SMAD4: variants seen among roughly 807,000 people sequenced by gnomAD.
The protein encoded by SMAD4 is SMAD family member 4, also known as MAD homolog 4.
A neutral mutation model predicts 63.2 loss-of-function variants in SMAD4; 7 were observed. The observed-to-expected ratio is 0.11, with a 90% CI of 0.06 to 0.21. The LOEUF (loss-of-function observed/expected upper bound fraction) is 0.21, where lower values mean the gene tolerates loss of function less well. Ranked by LOEUF, SMAD4 falls within the 10% of genes least tolerant of loss-of-function variation. SMAD4 has a pLI of 1.00. For missense variants in SMAD4, 312 were observed against 693.8 expected (o/e 0.45, Z 6.18); for synonymous variants, 215 against 235.4 (o/e 0.91, Z 0.79).
chr18:51,040,721 C>T (rs1222962878), intron 1 of SMAD4, among the ~76,000 whole-genome samples: 1 of 152,206 alleles, frequency 6.6e-6, no homozygotes, highest in Non-Finnish European at 1.5e-5. Context: ...TGGTCAACGT[C>T]AGGTGACAGC....
chr18:51,058,513 G>A, intron 7 of SMAD4, 57 bp downstream of exon 7: 5 of 1,051,940 alleles, frequency 4.8e-6, no homozygotes, highest in Non-Finnish European at 7.0e-6. Flanking sequence ...GTAGGGCTTT[G>A]TTTTCTGTTT....
intron 9 of SMAD4, among the ~76,000 whole-genome samples, chr18:51,065,965 A>G (rs1277712987): frequency 6.6e-6 from 1 of 152,252 alleles, no homozygotes; most frequent in Non-Finnish European, 1.5e-5. Flanking sequence ...AGTTTTACTT[A>G]TAATGTTAAA....
rs118185031 is a variant in SMAD4, at chr18:51,051,524, G to A, written c.454+2200G>A. ...CTTTCATGAAACTTTCTATGACCAC[G>A]TTGACCTGTGTATTCATTTTAACAA... On this transcript the variant is annotated intron_variant, in intron 4 of 11. Transcript: ENST00000342988. 6.1e-4 allele frequency: 247 copies of A among 403,920 alleles called. 2 individuals are homozygous for A. The East Asian group carries it at 0.016, about 26-fold the overall frequency. The allele number at this position is 403,920 out of a possible 1,614,324, so 25.0% of individuals were successfully genotyped here.
At chr18:51,062,619 C>T (rs938196490) in intron 8 of SMAD4, among the ~76,000 whole-genome samples, 2 of 152,048 alleles carry the variant, frequency 1.3e-5, no homozygotes, top group Non-Finnish European at 2.9e-5. Context: ...CTGCCTCAGC[C>T]TCCCGAGTAG....
intron 11 of SMAD4, 80 bp from the exon 12 acceptor site, chr18:51,078,176 C>A: frequency 1.7e-6 from 2 of 1,161,548 alleles, no homozygotes; most frequent in Non-Finnish European, 1.3e-6. Context: ...GAAAGCTGGT[C>A]ACTTGATTAA....
chr18:51,033,491 A>AT (rs1459819896), intron 1 of SMAD4, among the ~76,000 whole-genome samples: 1 of 152,202 alleles, frequency 6.6e-6, no homozygotes, highest in East Asian at 1.9e-4. Flanking sequence ...CGCCTGTCCT[A>AT]TAACAGCATT....
At position 51,047,305 on chromosome 18, in the gene SMAD4, A is replaced by G. The variant is rs752243771; in HGVS notation, c.249+10A>G. The G allele has an allele frequency of 1.9e-6, 3 of 1,610,444 alleles. No homozygotes were observed. Among genetic ancestry groups the G allele is most frequent in the East Asian group, 2.2e-5 (1 of 44,840 alleles). On this transcript the variant is annotated intron_variant, in intron 2 of 11. Coordinates refer to ENST00000342988, the MANE Select transcript of SMAD4 (RefSeq NM_005359.6). ...GGATGGGAGGCTTCAGGTTAGTCTT[A>G]TAAGAGTTTTTCTATACCCTCTATG...
Position 51,078,260 on chromosome 18 carries a change from G to A in SMAD4, c.1452G>A (p.Leu484=), listed in dbSNP as rs1555687538. ...CTTCCAAATCTTTTCTGTTAGGTCTGTCAGCTGCTGCTGGAATTGGTGTTG... is the reference window on the plus strand; with the variant it reads ...CTTCCAAATCTTTTCTGTTAGGTCTATCAGCTGCTGCTGGAATTGGTGTTG... ...SVGGIAPAIS[L]SAAAGIGVDD... is the part of the protein sequence containing the mutation. The change falls in exon 12 of 12, where the codon CTG becomes CTA. Residue 484 remains leucine (L), a synonymous_variant. Transcript: ENST00000342988. 6.2e-7 allele frequency: 1 copy of A among 1,613,994 alleles called. No individual in the cohort carries two copies. Among genetic ancestry groups the A allele is most frequent in the Non-Finnish European group, 8.5e-7 (1 of 1,179,836 alleles).
At chr18:51,059,762 A>G in intron 7 of SMAD4, 104 bp from the exon 8 acceptor site, 1 of 865,582 alleles carries the variant, frequency 1.2e-6, no homozygotes, top group South Asian at 1.4e-5. Flanking sequence ...GTTTTAAACA[A>G]TTCCTAACCT....
intron 4 of SMAD4, 194 bp from the exon 5 acceptor site, chr18:51,054,587 C>T: frequency 1.7e-6 from 1 of 572,852 alleles, no homozygotes; most frequent in Non-Finnish European, 3.1e-6. Context: ...ATATCTCATG[C>T]TGTTACCGCT....
chr18:51,071,862 A>G (rs1215997536), intron 10 of SMAD4, among the ~76,000 whole-genome samples: 1 of 152,234 alleles, frequency 6.6e-6, no homozygotes, highest in Non-Finnish European at 1.5e-5. Flanking sequence ...TATATAGAAG[A>G]GAATTATGTA....
At chr18:51,076,083 TTTG>T (rs946370698) in intron 10 of SMAD4, among the ~76,000 whole-genome samples, 2 of 152,220 alleles carry the variant, frequency 1.3e-5, no homozygotes, top group East Asian at 1.9e-4. Context: ...ATCTAGTCTT[TTTG>T]TTGTTGTTGT....
At chr18:51,060,082 T>C (rs777203030) in intron 8 of SMAD4, among the ~76,000 whole-genome samples, 166 bp downstream of exon 8, 6 of 152,192 alleles carry the variant, frequency 3.9e-5, no homozygotes, top group Non-Finnish European at 7.3e-5. Context: ...TAGTCACACA[T>C]AGACTGTCTA....
chr18:51,033,688 A>T (rs986319132), intron 1 of SMAD4, among the ~76,000 whole-genome samples: 1 of 152,162 alleles, frequency 6.6e-6, no homozygotes, highest in African/African-American at 2.4e-5. Context: ...CAGATTTAGA[A>T]TTTTTGGATT....
chr18:51,071,502 C>T (rs1412005351), intron 10 of SMAD4, among the ~76,000 whole-genome samples: 1 of 152,138 alleles, frequency 6.6e-6, no homozygotes, highest in Non-Finnish European at 1.5e-5. Context: ...TTAAATGAAG[C>T]AAATGTTTGA....
chr18:51,071,450 C>G (rs1453042197), intron 10 of SMAD4, among the ~76,000 whole-genome samples: 2 of 152,072 alleles, frequency 1.3e-5, no homozygotes, highest in Non-Finnish European at 2.9e-5. Flanking sequence ...TCATTTTTTA[C>G]TTAACGAAAA....
In SMAD4 at chr18:51,058,377, A is replaced by T. The variant is rs762166596; in HGVS notation, c.825A>T (p.Pro275=). 1 of 1,613,944 alleles carries T rather than the reference A, an allele frequency of 6.2e-7. No homozygotes were observed. The highest frequency in any genetic ancestry group is 1.1e-5 in the South Asian group (1 of 91,082). The change falls in exon 7 of 12, where the codon CCA becomes CCT. Residue 275 remains proline (P), a synonymous_variant. Coordinates refer to ENST00000342988, the MANE Select transcript of SMAD4 (RefSeq NM_005359.6). ...CCTGGACTGGAAGTAGGACTGCACC[A>T]TACACACCTAATTTGCCTCACCACC... ...TTTWTGSRTA[P]YTPNLPHHQN...
chr18:51,064,509 A>G (rs917051441), intron 8 of SMAD4, among the ~76,000 whole-genome samples: 9 of 152,222 alleles, frequency 5.9e-5, no homozygotes, highest in African/African-American at 2.2e-4. Context: ...AAAGATCCCT[A>G]GATACTCTGT....
rs946622521 is a variant in SMAD4 at position 51,082,779 on chromosome 18, A to G, written c.*4312A>G. On this transcript the variant is annotated 3_prime_UTR_variant, in exon 12 of 12. Transcript: ENST00000342988. ...CCCCTCCTGGTCTCTTCCCTCTCTGATAATTACCATTCATATGTGAGTGTT... is the reference window on the plus strand; with the variant it reads ...CCCCTCCTGGTCTCTTCCCTCTCTGGTAATTACCATTCATATGTGAGTGTT... The G allele has an allele frequency of 3.5e-5, 8 of 229,128 alleles. No homozygotes were observed. The highest frequency in any genetic ancestry group is 6.0e-5 in the Non-Finnish European group (7 of 115,814). The allele number at this position is 229,128 out of a possible 1,614,324, so 14.2% of individuals were successfully genotyped here. A position where few individuals can be genotyped will look rare whatever the true frequency, so the allele number is the denominator to read the frequency against.
Sources: allele counts gnomAD v4.1 joint callset (sites outside exome capture counted in the v4.1 genomes callset), GRCh38; gene constraint gnomAD v4.1.1; transcripts MANE v1.5; gene names NCBI Gene and HGNC (gene_info 2026-07-23, HGNC 2026-07-21).